Variants in SIL1 observed in about 807,000 individuals in gnomAD.
SIL1 encodes the protein SIL1 nucleotide exchange factor.
SIL1 carries 40 observed loss-of-function variants against 49.1 expected under a neutral mutation model. The ratio of observed to expected loss-of-function variants is 0.81; its 90% confidence interval spans 0.63 to 1.06. SIL1 has a LOEUF of 1.06. SIL1 is among the 50% of genes least tolerant of loss of function. The pLI is 0.00. For missense variants in SIL1, 500 were observed against 572.6 expected (o/e 0.87, Z 1.29); for synonymous variants, 253 against 250.8 (o/e 1.01, Z -0.08).
intron 5 of SIL1, among the ~76,000 whole-genome samples, chr5:139,031,822 T>C (rs1162289214): frequency 6.6e-6 from 1 of 152,232 alleles, no homozygotes; most frequent in Non-Finnish European, 1.5e-5. Context: ...AGCATATAGA[T>C]CTTATATCTG....
intron 7 of SIL1, among the ~76,000 whole-genome samples, chr5:138,959,698 C>T (rs1009875511): frequency 6.6e-6 from 1 of 152,308 alleles, no homozygotes; most frequent in Non-Finnish European, 1.5e-5. Context: ...TCTATGGGAC[C>T]CTGTTCCACT....
chr5:138,974,680 C>T (rs772327025), intron 7 of SIL1, among the ~76,000 whole-genome samples: 6 of 152,140 alleles, frequency 3.9e-5, no homozygotes, highest in Admixed American at 6.5e-5. Context: ...CCCCTGTTTC[C>T]GGGCCTGGGT....
chr5:138,968,970 T>C (rs1024876564), intron 7 of SIL1, among the ~76,000 whole-genome samples: 2 of 152,078 alleles, frequency 1.3e-5, no homozygotes, highest in African/African-American at 4.8e-5. Flanking sequence ...TGACCATGGG[T>C]CCTCCTCACT....
At chr5:139,046,673 A>G (rs1561841405) in intron 4 of SIL1, among the ~76,000 whole-genome samples, 1 of 152,172 alleles carries the variant, frequency 6.6e-6, no homozygotes, top group Non-Finnish European at 1.5e-5. Context: ...CTGAATTGAA[A>G]TAAGGACTAG....
intron 4 of SIL1, among the ~76,000 whole-genome samples, chr5:139,044,800 C>T (rs11242442): frequency 0.25 from 38,530 of 151,906 alleles, 5,859 homozygotes; most frequent in Middle Eastern, 0.4. Flanking sequence ...TGTCACTCCA[C>T]AGTCTCTTCT....
At chr5:138,983,533 C>A (rs908830062) in intron 7 of SIL1, among the ~76,000 whole-genome samples, 7 of 151,398 alleles carry the variant, frequency 4.6e-5, no homozygotes, top group African/African-American at 1.7e-4. Flanking sequence ...AAAAAGAAAT[C>A]AATCACACCC....
chr5:139,015,296 A>T (rs897255390), intron 7 of SIL1, among the ~76,000 whole-genome samples: 1 of 152,200 alleles, frequency 6.6e-6, no homozygotes, highest in Non-Finnish European at 1.5e-5. Context: ...AACCAAATAT[A>T]TAACTGCAAA....
At chr5:139,039,199 C>A (rs181269657) in intron 5 of SIL1, among the ~76,000 whole-genome samples, 10 of 152,214 alleles carry the variant, frequency 6.6e-5, no homozygotes, top group Non-Finnish European at 1.0e-4. Context: ...CCACTTTTTA[C>A]TGCCTTCTAC....
intron 3 of SIL1, among the ~76,000 whole-genome samples, chr5:139,096,001 T>C (rs1168696289): frequency 6.6e-6 from 1 of 152,108 alleles, no homozygotes; most frequent in Non-Finnish European, 1.5e-5. Flanking sequence ...AGGTGAGCAT[T>C]CACAGTGCCT....
chr5:139,140,234 C>T (rs112638211), intron 1 of SIL1, among the ~76,000 whole-genome samples: 512 of 151,944 alleles, frequency 3.4e-3, no homozygotes, highest in Middle Eastern at 0.027. Flanking sequence ...CGAGCCACTG[C>T]CCTCCAGCCT....
At chr5:139,161,867 G>C (rs1178759580) in intron 1 of SIL1, among the ~76,000 whole-genome samples, 1 of 152,018 alleles carries the variant, frequency 6.6e-6, no homozygotes, top group African/African-American at 2.4e-5. Flanking sequence ...ACAAAAATTA[G>C]CTGGGCATGG....
rs1199470626 is a variant in SIL1, at chr5:138,948,790, G to C, written c.1030-1317C>G. 6.6e-6 allele frequency among the ~76,000 whole-genome samples: 1 copy of C among 152,210 alleles called. No individual in the cohort carries two copies. The highest frequency in any genetic ancestry group is 1.5e-5 in the Non-Finnish European group (1 of 68,036). ...TTAATTCCCAAGGCAGCAGTATTGA[G>C]AGGAGCTGCCTAGGTCAGGAGGGCA... On this transcript the variant is annotated intron_variant, in intron 9 of 9. Coordinates refer to ENST00000394817, the MANE Select transcript of SIL1 (RefSeq NM_022464.5). The surrounding 1 kb of genome is among the most constrained non-coding windows in gnomAD (Gnocchi z 4.8).
chr5:138,964,289 T>C (rs1023630737), intron 7 of SIL1, among the ~76,000 whole-genome samples: 1 of 152,118 alleles, frequency 6.6e-6, no homozygotes, highest in Non-Finnish European at 1.5e-5. Context: ...AGAACGAACA[T>C]AGTTCCTGTC....
At chr5:139,070,864 G>A (rs1769816077) in intron 3 of SIL1, among the ~76,000 whole-genome samples, 1 of 152,054 alleles carries the variant, frequency 6.6e-6, no homozygotes, top group Non-Finnish European at 1.5e-5. Context: ...TTACCACTGA[G>A]TAACAAAATA....
intron 7 of SIL1, among the ~76,000 whole-genome samples, chr5:138,984,859 A>G (rs914573321): frequency 1.3e-5 from 2 of 152,224 alleles, no homozygotes; most frequent in South Asian, 2.1e-4. Flanking sequence ...GATGCCTCTG[A>G]TAAGAACAAA....
chr5:139,063,554 G>A (rs773977538), intron 3 of SIL1, among the ~76,000 whole-genome samples: 12 of 152,202 alleles, frequency 7.9e-5, no homozygotes, highest in Non-Finnish European at 1.8e-4. Flanking sequence ...AATCCCACTT[G>A]GAAATTACTG....
In SIL1 at chr5:139,154,645, A is replaced by G. The variant is rs577753690; in HGVS notation, c.-10-26792T>C. On this transcript the variant is annotated intron_variant, in intron 1 of 9. Transcript: ENST00000394817. ...CCCGGTGTAAAAAATATTTTGCAAT[A>G]TAGCTGAGGTCAGAACCCCCACCCC... 2.0e-5 allele frequency among the ~76,000 whole-genome samples: 3 copies of G among 152,298 alleles called. No individual in the cohort carries two copies. The East Asian group carries it at 5.8e-4, about 29-fold the overall frequency.
chr5:139,182,144 C>A (rs1289167969), intron 1 of SIL1, among the ~76,000 whole-genome samples: 1 of 152,158 alleles, frequency 6.6e-6, no homozygotes, highest in Non-Finnish European at 1.5e-5. Context: ...GCCCGGGGGG[C>A]TTTCTCCTTC....
intron 7 of SIL1, among the ~76,000 whole-genome samples, chr5:138,980,738 G>A (rs925247385): frequency 6.6e-6 from 1 of 152,202 alleles, no homozygotes; most frequent in Non-Finnish European, 1.5e-5. Context: ...AGAAAGGGTG[G>A]TATCTATTTT....
Sources: gnomAD v4.1 joint callset for allele counts (sites outside exome capture counted in the v4.1 genomes callset) on GRCh38, gnomAD v4.1.1 for gene constraint, Gnocchi (gnomAD v3.1) non-coding constraint, MANE v1.5 for transcripts, NCBI Gene and HGNC (gene_info 2026-07-23, HGNC 2026-07-21) for gene names.